INTS10: variants seen among roughly 807,000 people sequenced by gnomAD.
INTS10 encodes the protein chromosome 8 open reading frame 35.
In INTS10, 44 loss-of-function variants were observed where a neutral mutation model predicts 94.4. The ratio of observed to expected loss-of-function variants is 0.47; its 90% confidence interval spans 0.37 to 0.60. INTS10 has a LOEUF of 0.60. Ranked by LOEUF, INTS10 falls within the 20% of genes least tolerant of loss-of-function variation. INTS10 has a pLI of 0.00. For missense variants in INTS10, 797 were observed against 868.7 expected, an observed-to-expected ratio of 0.92 and a Z score of 1.04; for synonymous variants, 341 against 320.7, an observed-to-expected ratio of 1.06 and a Z score of -0.68.
At chr8:19,840,055 C>A (rs1462015739) in intron 13 of INTS10, among the ~76,000 whole-genome samples, 1 of 102,128 alleles carries the variant, frequency 9.8e-6, no homozygotes, top group Non-Finnish European at 1.8e-5. Flanking sequence ...AGAGTGAGAC[C>A]TTGTCTCAAA....
At chr8:19,837,603 G>C (rs1052774653) in intron 13 of INTS10, 1 of 156,252 alleles carries the variant, frequency 6.4e-6, no homozygotes, top group African/African-American at 2.4e-5. Context: ...TGATTAATTA[G>C]GAGGTATCTG....
intron 12 of INTS10, 118 bp from the exon 13 acceptor site, chr8:19,836,934 G>A (rs1204866560): frequency 3.0e-6 from 2 of 675,830 alleles, no homozygotes; most frequent in Non-Finnish European, 5.4e-6. Context: ...TAGAGAGGTA[G>A]AAATACAGAC....
At position 19,832,116 on chromosome 8, in the gene INTS10, G is replaced by T. The variant is rs2067274672; in HGVS notation, c.1377+6G>T. On this transcript the variant is annotated splice_donor_region_variant and intron_variant, in intron 11 of 16. Coordinates refer to ENST00000397977, the MANE Select transcript of INTS10 (RefSeq NM_018142.4). ...CTGATATGATCATCTATCAGGTAGA[G>T]TATTATACATATTTTAGGTACCTGT... is the stretch of plus-strand genomic sequence containing the variant. 6.8e-7 allele frequency: 1 copy of T among 1,481,034 alleles called. No homozygotes were observed. Among genetic ancestry groups the T allele is most frequent in the Non-Finnish European group, 9.4e-7 (1 of 1,058,572 alleles). 91.7% of individuals were successfully genotyped at this position (1,481,034 alleles called of 1,614,324 possible). A position where few individuals can be genotyped will look rare whatever the true frequency, so the allele number is the denominator to read the frequency against.
At position 19,851,536 on chromosome 8, in the gene INTS10, A is replaced by G. The variant is rs1179781069; in HGVS notation, c.1977-113A>G. 1 of 939,166 alleles carries G rather than the reference A, an allele frequency of 1.1e-6. No individual in the cohort carries two copies. The highest frequency in any genetic ancestry group is 1.6e-6 in the Non-Finnish European group (1 of 608,202). 58.2% of individuals were successfully genotyped at this position (939,166 alleles called of 1,614,324 possible). ...GCTATTCTTGTGTTCTTTTTAAAAT[A>G]TCTGAAATTATACTTAGATATGGGG... is the stretch of plus-strand genomic sequence containing the variant. On this transcript the variant is annotated intron_variant, in intron 16 of 16. Transcript: ENST00000397977. This position sits in a 1 kb window ranked among gnomAD's most constrained non-coding sequence, Gnocchi z 5.0.
intron 8 of INTS10, among the ~76,000 whole-genome samples, 191 bp from the exon 9 acceptor site, chr8:19,826,235 C>G (rs1011759645): frequency 9.2e-5 from 14 of 152,086 alleles, no homozygotes; most frequent in Admixed American, 3.3e-4. Flanking sequence ...CGCATGCTAC[C>G]ATGCCCGGCT....
intron 13 of INTS10, among the ~76,000 whole-genome samples, chr8:19,840,266 T>G (rs911698432): frequency 2.6e-5 from 4 of 152,132 alleles, no homozygotes; most frequent in African/African-American, 9.7e-5. Context: ...AGAAAACATT[T>G]CTGAGAAAAA....
chr8:19,832,022 A>T lies in INTS10; in HGVS notation c.1295-6A>T. 1 of 1,568,318 alleles carries T rather than the reference A, an allele frequency of 6.4e-7. No individual in the cohort carries two copies. The highest frequency in any genetic ancestry group is 8.8e-7 in the Non-Finnish European group (1 of 1,138,360). ...TTGGTAAATTTGTTCTTGAATTCTT[A>T]CTCAGAATTTACAAGGATTTGCTTG... On this transcript the variant is annotated splice_region_variant and splice_polypyrimidine_tract_variant and intron_variant, in intron 10 of 16. Coordinates refer to ENST00000397977, the MANE Select transcript of INTS10 (RefSeq NM_018142.4).
rs551936088 is a variant in INTS10, at chr8:19,840,319, A to C, written c.1640-2529A>C. Among the ~76,000 whole-genome samples the C allele has an allele frequency of 2.0e-5, 3 of 152,332 alleles. No individual in the cohort carries two copies. In the East Asian group the frequency reaches 5.8e-4, roughly 29 times the overall value. On this transcript the variant is annotated intron_variant, in intron 13 of 16. Coordinates refer to ENST00000397977, the MANE Select transcript of INTS10 (RefSeq NM_018142.4). ...TGGACAGATCATGTTTCTATATCAG[A>C]AGATTCAATATTATTATGGTGCCAG...
intron 9 of INTS10, among the ~76,000 whole-genome samples, chr8:19,827,525 T>C (rs1009398082): frequency 2.6e-5 from 4 of 152,160 alleles, no homozygotes; most frequent in Non-Finnish European, 5.9e-5. Context: ...TCCTCTACCA[T>C]ACCCTGGGCA....
At chr8:19,830,357 G>T in intron 9 of INTS10, 49 bp from the exon 10 acceptor site, 2 of 1,531,182 alleles carry the variant, frequency 1.3e-6, no homozygotes, top group South Asian at 2.4e-5. Context: ...TTCCATATAT[G>T]ACTATATTTA....
At chr8:19,822,636 T>G in intron 5 of INTS10, 116 bp downstream of exon 5, 1 of 615,242 alleles carries the variant, frequency 1.6e-6, no homozygotes, top group Non-Finnish European at 2.7e-6. Flanking sequence ...GTTATGGCAT[T>G]TAAGTTCTTT....
At position 19,817,442 on chromosome 8, in the gene INTS10, G is replaced by C; in HGVS notation, c.-96G>C. The stretch of plus-strand genomic sequence containing the variant: ...GACATGCGCAGTAGCCTCCCCCGCG[G>C]TGGCGGCGGCGGCGGCGGTGGCTGC... On this transcript the variant is annotated 5_prime_UTR_variant, in exon 1 of 17. Coordinates refer to ENST00000397977, the MANE Select transcript of INTS10 (RefSeq NM_018142.4). 3 of 1,498,112 alleles carry C rather than the reference G, an allele frequency of 2.0e-6. No homozygotes were observed. The highest frequency in any genetic ancestry group is 2.7e-6 in the Non-Finnish European group (3 of 1,120,952). 92.8% of individuals were successfully genotyped at this position (1,498,112 alleles called of 1,614,324 possible).
chr8:19,848,438 C>G (rs1401854415), intron 16 of INTS10, among the ~76,000 whole-genome samples: 1 of 152,150 alleles, frequency 6.6e-6, no homozygotes, highest in Non-Finnish European at 1.5e-5. Flanking sequence ...TGTTTCTGTG[C>G]TGATAAATGC....
At position 19,849,953 on chromosome 8, in the gene INTS10, T is replaced by C. The variant is rs2068885153; in HGVS notation, c.1977-1696T>C. On this transcript the variant is annotated intron_variant, in intron 16 of 16. Coordinates refer to ENST00000397977, the MANE Select transcript of INTS10 (RefSeq NM_018142.4). This position sits in a 1 kb window ranked among gnomAD's most constrained non-coding sequence, Gnocchi z 4.6. The stretch of plus-strand genomic sequence containing the variant: ...ATGTAGCATTTAGTTATATTTTTAG[T>C]GGTATTAAAAGCAGGGTTTATTAGC... Among the ~76,000 whole-genome samples the C allele has an allele frequency of 1.3e-5, 2 of 151,664 alleles. No homozygotes were observed. The highest frequency in any genetic ancestry group is 4.2e-4 in the South Asian group (2 of 4,806).
intron 5 of INTS10, among the ~76,000 whole-genome samples, chr8:19,822,863 T>G (rs1351116579): frequency 6.6e-6 from 1 of 151,406 alleles, no homozygotes; most frequent in East Asian, 1.9e-4. Flanking sequence ...GGCAGGAGAG[T>G]CGCTTGAAAC....
At chr8:19,824,709 G>A (rs1440204562) in intron 7 of INTS10, 94 bp from the exon 8 acceptor site, 7 of 772,122 alleles carry the variant, frequency 9.1e-6, no homozygotes, top group Non-Finnish European at 1.2e-5. Flanking sequence ...GGCAACATTT[G>A]GTACATGTAA....
intron 13 of INTS10, among the ~76,000 whole-genome samples, chr8:19,840,007 G>A (rs2067996967): frequency 7.7e-6 from 1 of 130,178 alleles, no homozygotes; most frequent in Admixed American, 9.0e-5. Flanking sequence ...AGGTTTCATT[G>A]AGCCAAGATT....
intron 15 of INTS10, among the ~76,000 whole-genome samples, chr8:19,844,659 C>A (rs1309610442): frequency 6.6e-6 from 1 of 152,152 alleles, no homozygotes; most frequent in Non-Finnish European, 1.5e-5. Flanking sequence ...GGGCACCCTG[C>A]CATAGCTGTC....
Position 19,824,984 on chromosome 8 carries a change from A to G in INTS10, c.1006+12A>G. On this transcript the variant is annotated intron_variant, in intron 8 of 16. Transcript: ENST00000397977. The stretch of plus-strand genomic sequence containing the variant: ...ATCTCTCTTCCAAGGTTGGTTTACA[A>G]ATTTTAGAGTGTCCAAAAAGCCAGT... The G allele has an allele frequency of 6.2e-7, 1 of 1,611,638 alleles. No homozygotes were observed. Among genetic ancestry groups the G allele is most frequent in the South Asian group, 1.1e-5 (1 of 90,788 alleles).
Sources: gnomAD v4.1 joint callset for allele counts (sites outside exome capture counted in the v4.1 genomes callset) on GRCh38, gnomAD v4.1.1 for gene constraint, Gnocchi (gnomAD v3.1) non-coding constraint, MANE v1.5 for transcripts, NCBI Gene and HGNC (gene_info 2026-07-23, HGNC 2026-07-21) for gene names.